The following STAT4 variants were observed in gnomAD, a reference collection of about 807,000 sequenced individuals.
The protein encoded by STAT4 is signal transducer and activator of transcription 4.
In STAT4, 42 loss-of-function variants were observed where a neutral mutation model predicts 110.5. The observed-to-expected ratio is 0.38, with a 90% CI of 0.30 to 0.49. The LOEUF (loss-of-function observed/expected upper bound fraction) is 0.49. Ranked by LOEUF, STAT4 falls within the 20% of genes least tolerant of loss-of-function variation. The pLI is 0.95. For missense variants in STAT4, 632 were observed against 887.9 expected (o/e 0.71, Z 3.66); for synonymous variants, 284 against 302.2 (o/e 0.94, Z 0.63).
At chr2:191,095,267 C>G (rs957833668) in intron 3 of STAT4, among the ~76,000 whole-genome samples, 2 of 152,148 alleles carry the variant, frequency 1.3e-5, no homozygotes, top group East Asian at 3.8e-4. Context: ...GCAGACCTAA[C>G]AGACATCTAC....
chr2:191,098,289 T>C (rs1327111932), intron 3 of STAT4, among the ~76,000 whole-genome samples: 2 of 152,254 alleles, frequency 1.3e-5, no homozygotes, highest in African/African-American at 4.8e-5. Flanking sequence ...TTATAAATCA[T>C]TCTACTATAA....
In STAT4 at chr2:191,104,220, T is replaced by A. The variant is rs1208902940; in HGVS notation, c.274-27895A>T. On this transcript the variant is annotated intron_variant, in intron 3 of 23. Coordinates refer to ENST00000392320, the MANE Select transcript of STAT4 (RefSeq NM_003151.4). The surrounding 1 kb of genome is among the most constrained non-coding windows in gnomAD (Gnocchi z 4.3). The stretch of plus-strand genomic sequence containing the variant: ...AATTATGGATAAATATTTTTTTCTT[T>A]TTGTCCTTCTTCATTTTCCAAATTT... 6.6e-6 allele frequency among the ~76,000 whole-genome samples: 1 copy of A among 152,172 alleles called. No individual in the cohort carries two copies. Among genetic ancestry groups the A allele is most frequent in the Non-Finnish European group, 1.5e-5 (1 of 68,022 alleles).
intron 15 of STAT4, 140 bp downstream of exon 15, chr2:191,040,925 C>T: frequency 2.0e-6 from 1 of 495,694 alleles, no homozygotes; most frequent in Non-Finnish European, 3.4e-6. Context: ...GAATATTTGA[C>T]ATATTGACTT....
rs1278198576 is a variant in STAT4 at position 191,077,803 on chromosome 2, T to C, written c.274-1478A>G. Among the ~76,000 whole-genome samples the C allele has an allele frequency of 1.3e-5, 2 of 152,178 alleles. No homozygotes were observed. Among genetic ancestry groups the C allele is most frequent in the East Asian group, 3.8e-4 (2 of 5,196 alleles). On this transcript the variant is annotated intron_variant, in intron 3 of 23. Coordinates refer to ENST00000392320, the MANE Select transcript of STAT4 (RefSeq NM_003151.4). The surrounding 1 kb of genome is among the most constrained non-coding windows in gnomAD (Gnocchi z 4.1). Reference sequence around the variant, plus strand: ...TCTGAATTCCTGCTCTTACATATTTTACAGTCTTCCAAACTCTTTCTTTTT... The same window carrying C: ...TCTGAATTCCTGCTCTTACATATTTCACAGTCTTCCAAACTCTTTCTTTTT...
chr2:191,064,886 G>T lies in STAT4; in HGVS notation c.703C>A (p.Leu235Met). 6.2e-7 allele frequency: 1 copy of T among 1,613,344 alleles called. No individual in the cohort carries two copies. Among genetic ancestry groups the T allele is most frequent in the Admixed American group, 1.7e-5 (1 of 59,928 alleles). Reference sequence around the variant, plus strand: ...TGCTGCCGCCGCTTCCAGTCTTGCAGCTCTTCTATGAGCATGGTGTTCATT... The same window carrying T: ...TGCTGCCGCCGCTTCCAGTCTTGCATCTCTTCTATGAGCATGGTGTTCATT... Reference protein sequence around the residue: ...LLMNTMLIEELQDWKRRQQIA... With the variant: ...LLMNTMLIEEMQDWKRRQQIA... The change falls in exon 8 of 24, where the codon CTG (leucine) becomes ATG (methionine). Residue 235 changes from leucine to methionine, a missense_variant. Leu to Met is a conservative substitution (Grantham distance 15). This residue lies in a region of STAT4 where 488 missense variants were observed against 632.8 expected (regional missense o/e 0.77). Coordinates refer to ENST00000392320, the MANE Select transcript of STAT4 (RefSeq NM_003151.4).
At chr2:191,069,922 T>G in intron 5 of STAT4, 151 bp from the exon 6 acceptor site, 1 of 578,228 alleles carries the variant, frequency 1.7e-6, no homozygotes, top group East Asian at 3.2e-5. Flanking sequence ...AAGAGCTAAT[T>G]CATATAAAAG....
At position 191,091,848 on chromosome 2, in the gene STAT4, A is replaced by T. The variant is rs1322241826; in HGVS notation, c.274-15523T>A. 6.6e-6 allele frequency among the ~76,000 whole-genome samples: 1 copy of T among 152,196 alleles called. No individual in the cohort carries two copies. Among genetic ancestry groups the T allele is most frequent in the African/African-American group, 2.4e-5 (1 of 41,434 alleles). ...TTGACTTACTTTTAACCAATTAACC[A>T]TCAAGTTCATTGTCTCTAAGCTGAA... On this transcript the variant is annotated intron_variant, in intron 3 of 23. Transcript: ENST00000392320. The surrounding 1 kb of genome is among the most constrained non-coding windows in gnomAD (Gnocchi z 5.4).
intron 3 of STAT4, among the ~76,000 whole-genome samples, chr2:191,081,853 C>T (rs147635117): frequency 1.3e-5 from 2 of 152,060 alleles, no homozygotes; most frequent in Admixed American, 1.3e-4. Flanking sequence ...TAAGTCTTGC[C>T]AAGGAAAACC....
rs1695880201 is a variant in STAT4, at chr2:191,031,116, T to C, written c.2112-36A>G. ...TAACAAGGTCAATATGGACAAGGAT[T>C]AAAAAATAATAATAGTTCACGGTGA... On this transcript the variant is annotated intron_variant, in intron 22 of 23. Transcript: ENST00000392320. This position sits in a 1 kb window ranked among gnomAD's most constrained non-coding sequence, Gnocchi z 4.8. 6.3e-7 allele frequency: 1 copy of C among 1,591,198 alleles called. No individual in the cohort carries two copies.
Position 191,036,255 on chromosome 2 carries a change from T to C in STAT4, c.1479A>G (p.Gln493=). The C allele has an allele frequency of 1.2e-6, 2 of 1,614,132 alleles. No homozygotes were observed. Among genetic ancestry groups the C allele is most frequent in the Non-Finnish European group, 1.7e-6 (2 of 1,180,022 alleles). ...ACTGCCAGCTCATCACCTCCAGTAGTTGACTCAATGTGGCAGGTGGAGGAT... is the reference window on the plus strand; with the variant it reads ...ACTGCCAGCTCATCACCTCCAGTAGCTGACTCAATGTGGCAGGTGGAGGAT... ...FNNPPPATLS[Q]LLEVMSWQFS... is the part of the protein sequence containing the mutation. Residue 493 remains glutamine, a synonymous_variant, in exon 17 of 24, where the codon CAA becomes CAG. Transcript: ENST00000392320.
intron 3 of STAT4, among the ~76,000 whole-genome samples, chr2:191,141,480 A>G (rs185011207): frequency 1.6e-3 from 232 of 140,770 alleles, no homozygotes; most frequent in African/African-American, 5.9e-3. Context: ...TCACATACAT[A>G]CATATACATA....
upstream of STAT4, chr2:191,151,569 C>G: frequency 1.0e-6 from 1 of 985,628 alleles, no homozygotes; most frequent in Non-Finnish European, 1.2e-6. The surrounding 1 kb of genome is among the most constrained non-coding windows in gnomAD (Gnocchi z 4.7). Flanking sequence ...CTAGCCTCCT[C>G]CTACTCTCCT....
rs921305451 is a variant in STAT4 at position 191,051,544 on chromosome 2, G to A, written c.1251+2946C>T. ...TAACTCCACTATGCCACTGAGGCAC[G>A]ACACAAGTGCAAAAGGAGACACAGT... On this transcript the variant is annotated intron_variant, in intron 14 of 23. Transcript: ENST00000392320. The surrounding 1 kb of genome is among the most constrained non-coding windows in gnomAD (Gnocchi z 5.6). 2.6e-5 allele frequency among the ~76,000 whole-genome samples: 4 copies of A among 152,238 alleles called. No homozygotes were observed. The highest frequency in any genetic ancestry group is 1.9e-4 in the East Asian group (1 of 5,206).
rs900233059 is a variant in STAT4, at chr2:191,059,645, T to G, written c.1035-876A>C. 1.3e-5 allele frequency among the ~76,000 whole-genome samples: 2 copies of G among 151,760 alleles called. No homozygotes were observed. The highest frequency in any genetic ancestry group is 2.4e-5 in the African/African-American group (1 of 41,236). On this transcript the variant is annotated intron_variant, in intron 10 of 23. Coordinates refer to ENST00000392320, the MANE Select transcript of STAT4 (RefSeq NM_003151.4). The surrounding 1 kb of genome is among the most constrained non-coding windows in gnomAD (Gnocchi z 4.7). ...CGTGGCTCTACATAAAAGGAGGGAGTCCAGGCACACAAATGGAAAACAGAG... is the reference window on the plus strand; with the variant it reads ...CGTGGCTCTACATAAAAGGAGGGAGGCCAGGCACACAAATGGAAAACAGAG...
At position 191,138,379 on chromosome 2, in the gene STAT4, G is replaced by C. The variant is rs978861533; in HGVS notation, c.273+8234C>G. Among the ~76,000 whole-genome samples the C allele has an allele frequency of 2.6e-5, 4 of 152,072 alleles. No homozygotes were observed. The highest frequency in any genetic ancestry group is 2.6e-4 in the Admixed American group (4 of 15,264). ...TTAGTGAGATTAACCAAAAAAAGAA[G>C]AGAGAAGATCCAAATAAGATTTCAT... is the stretch of plus-strand genomic sequence containing the variant. On this transcript the variant is annotated intron_variant, in intron 3 of 23. Coordinates refer to ENST00000392320, the MANE Select transcript of STAT4 (RefSeq NM_003151.4). This position sits in a 1 kb window ranked among gnomAD's most constrained non-coding sequence, Gnocchi z 4.3.
Position 191,053,978 on chromosome 2 carries a change from A to C in STAT4, c.1251+512T>G, listed in dbSNP as rs138771315. On this transcript the variant is annotated intron_variant, in intron 14 of 23. Transcript: ENST00000392320. This position sits in a 1 kb window ranked among gnomAD's most constrained non-coding sequence, Gnocchi z 4.5. ...CTCTGTCTCTACGAAAAATACAAAA[A>C]CTAGCCAGGTATGGTGGCACATGCC... Among the ~76,000 whole-genome samples the C allele has an allele frequency of 2.7e-3, 413 of 152,154 alleles. 3 individuals carry two copies. The highest frequency in any genetic ancestry group is 9.4e-3 in the African/African-American group (391 of 41,504).
At chr2:191,047,415 A>G (rs1470138457) in intron 14 of STAT4, among the ~76,000 whole-genome samples, 1 of 152,136 alleles carries the variant, frequency 6.6e-6, no homozygotes, top group Non-Finnish European at 1.5e-5. Context: ...GGGACTTGCA[A>G]TGGGCATCTG....
chr2:191,075,837 C>CTTTCTTTTTTT (rs1697300316), intron 4 of STAT4, among the ~76,000 whole-genome samples: 1 of 121,490 alleles, frequency 8.2e-6, no homozygotes, highest in Non-Finnish European at 1.7e-5. Flanking sequence ...TTCTTTCTTT[C>CTTTCTTTTTTT]TTTTTTTTTT....
At position 191,091,358 on chromosome 2, in the gene STAT4, G is replaced by A. The variant is rs1460092573; in HGVS notation, c.274-15033C>T. Among the ~76,000 whole-genome samples the A allele has an allele frequency of 2.0e-5, 3 of 151,926 alleles. No individual in the cohort carries two copies. The highest frequency in any genetic ancestry group is 1.9e-4 in the East Asian group (1 of 5,196). On this transcript the variant is annotated intron_variant, in intron 3 of 23. Transcript: ENST00000392320. This position sits in a 1 kb window ranked among gnomAD's most constrained non-coding sequence, Gnocchi z 5.4. ...GAAAAATAATTTAAAAAACAGGAAC[G>A]AATTTAACAAAGAAGATACAGGTCT...
Sources: gnomAD v4.1 joint callset for allele counts (sites outside exome capture counted in the v4.1 genomes callset) on GRCh38, gnomAD v4.1.1 for gene constraint, gnomAD v4.1.1 regional missense constraint, Gnocchi (gnomAD v3.1) non-coding constraint, MANE v1.5 for transcripts, NCBI Gene and HGNC (gene_info 2026-07-23, HGNC 2026-07-21) for gene names.